The following MLLT1 variants were observed in gnomAD, a reference collection of about 807,000 sequenced individuals.
MLLT1 encodes the protein protein ENL.
A neutral mutation model predicts 55.1 loss-of-function variants in MLLT1; 11 were observed. The observed-to-expected ratio is 0.20, with a 90% CI of 0.13 to 0.33. The LOEUF (loss-of-function observed/expected upper bound fraction) is 0.33, where lower values mean the gene tolerates loss of function less well. Ranked by LOEUF, MLLT1 falls within the 10% of genes least tolerant of loss-of-function variation. The pLI is 1.00. For synonymous variants in MLLT1, 323 were observed against 320.1 expected, an observed-to-expected ratio of 1.01 and a Z score of -0.10; for missense variants, 536 against 760.6, an observed-to-expected ratio of 0.70 and a Z score of 3.47.
intron 3 of MLLT1, among the ~76,000 whole-genome samples, chr19:6,234,981 G>A (rs556929191): frequency 1.1e-4 from 16 of 152,152 alleles, no homozygotes; most frequent in African/African-American, 2.7e-4. Context: ...ATATAACCAA[G>A]TAACATGGTA....
chr19:6,230,722 G>A lies in MLLT1; in HGVS notation c.277-9C>T, dbSNP rs1418504713. 4 of 1,613,758 alleles carry A rather than the reference G, an allele frequency of 2.5e-6. No homozygotes were observed. Among genetic ancestry groups the A allele is most frequent in the Non-Finnish European group, 3.4e-6 (4 of 1,179,972 alleles). On this transcript the variant is annotated splice_polypyrimidine_tract_variant and intron_variant, in intron 3 of 11. Transcript: ENST00000252674. This position sits in a 1 kb window ranked among gnomAD's most constrained non-coding sequence, Gnocchi z 9.0. ...ACCTTCCTCGGCTCCTCCTGAAACA[G>A]AGAAAACAAGAAAGTCTGCATCAGA...
chr19:6,249,857 T>G (rs2091198991), intron 3 of MLLT1, among the ~76,000 whole-genome samples: 1 of 151,934 alleles, frequency 6.6e-6, no homozygotes, highest in African/African-American at 2.4e-5. Context: ...ACCTCATCTC[T>G]ACAAAAATAC....
intron 2 of MLLT1, among the ~76,000 whole-genome samples, chr19:6,264,261 G>A (rs539629467): frequency 2.4e-4 from 30 of 127,372 alleles, no homozygotes; most frequent in Admixed American, 2.1e-3. Context: ...CCCCACCCCA[G>A]GAAGTTTCAG....
chr19:6,245,791 T>A (rs1156251168), intron 3 of MLLT1, among the ~76,000 whole-genome samples: 1 of 152,164 alleles, frequency 6.6e-6, no homozygotes, highest in Non-Finnish European at 1.5e-5. Flanking sequence ...CCCAGCTACT[T>A]GGGAGGCTAA....
chr19:6,242,086 G>C (rs952768998), intron 3 of MLLT1, among the ~76,000 whole-genome samples: 1 of 152,318 alleles, frequency 6.6e-6, no homozygotes, highest in Non-Finnish European at 1.5e-5. Flanking sequence ...GAAGACAATG[G>C]GGGCTCAGAG....
rs939095051 is a variant in MLLT1 at position 6,212,584 on chromosome 19, G to A, written c.*458C>T. The A allele has an allele frequency of 7.3e-6, 8 of 1,090,754 alleles. No individual in the cohort carries two copies. Among genetic ancestry groups the A allele is most frequent in the South Asian group, 8.3e-5 (2 of 24,074 alleles). The allele number at this position is 1,090,754 out of a possible 1,614,324, so 67.6% of individuals were successfully genotyped here. ...ACACGGAGGACGACGCAGACACACA[G>A]GCAGGGCCTTCTGAGGTCCAGGGTG... is the stretch of plus-strand genomic sequence containing the variant. On this transcript the variant is annotated 3_prime_UTR_variant, in exon 12 of 12. Transcript: ENST00000252674.
At chr19:6,269,727 G>A (rs3787053) in intron 2 of MLLT1, among the ~76,000 whole-genome samples, 51,239 of 152,036 alleles carry the variant, frequency 0.34, 10,045 homozygotes, top group East Asian at 0.64. Flanking sequence ...CGGGACCCCC[G>A]TATTGCAGGG....
intron 3 of MLLT1, among the ~76,000 whole-genome samples, chr19:6,249,115 A>G (rs938103762): frequency 3.3e-5 from 5 of 152,214 alleles, no homozygotes; most frequent in South Asian, 4.1e-4. Context: ...ACGTGCAGCA[A>G]GTATAATAAA....
chr19:6,211,378 T>TC lies in MLLT1; in HGVS notation c.*1663dup. ...CTTCCTCCGAAGGTTCTCGGGCCTT[T>TC]CCCCGAGAGTTCTGGGGAGTTTCCC... On this transcript the variant is annotated 3_prime_UTR_variant, in exon 12 of 12. Coordinates refer to ENST00000252674, the MANE Select transcript of MLLT1 (RefSeq NM_005934.4). The surrounding 1 kb of genome is among the most constrained non-coding windows in gnomAD (Gnocchi z 4.6). 1 of 235,574 alleles carries TC rather than the reference T, an allele frequency of 4.2e-6. No individual in the cohort carries two copies. Among genetic ancestry groups the TC allele is most frequent in the East Asian group, 6.1e-5 (1 of 16,364 alleles). 14.6% of individuals were successfully genotyped at this position (235,574 alleles called of 1,614,324 possible).
At chr19:6,215,078 G>A (rs865927862) in intron 8 of MLLT1, among the ~76,000 whole-genome samples, 5 of 152,126 alleles carry the variant, frequency 3.3e-5, no homozygotes, top group South Asian at 2.1e-4. Flanking sequence ...CTGGGATGAC[G>A]GCTGGGCACC....
In MLLT1 at chr19:6,227,068, G is replaced by A; in HGVS notation, c.455C>T (p.Ser152Phe). ...MVMPEGADTV[S>F]RPSPDYPMLP... ...CATGGGGTAGTCGGGACTGGGCCTG[G>A]ACACCGTGTCTGCTCCTTCGGGCAT... The change falls in exon 5 of 12, where the codon TCC becomes TTC. Residue 152 changes from serine (S) to phenylalanine (F), a missense_variant. Physicochemically the swap from Ser to Phe is radical, Grantham distance 155. Coordinates refer to ENST00000252674, the MANE Select transcript of MLLT1 (RefSeq NM_005934.4). This position sits in a 1 kb window ranked among gnomAD's most constrained non-coding sequence, Gnocchi z 5.1. 2 of 1,605,228 alleles carry A rather than the reference G, an allele frequency of 1.2e-6. No homozygotes were observed. Among genetic ancestry groups the A allele is most frequent in the Non-Finnish European group, 1.7e-6 (2 of 1,176,702 alleles).
At chr19:6,253,939 T>C (rs1240154294) in intron 3 of MLLT1, among the ~76,000 whole-genome samples, 1 of 152,194 alleles carries the variant, frequency 6.6e-6, no homozygotes, top group Non-Finnish European at 1.5e-5. Context: ...TGTTTTAATA[T>C]TGGGTCTTAG....
rs1399356974 is a variant in MLLT1, at chr19:6,279,831, C to T, written c.-47G>A. The T allele has an allele frequency of 6.3e-4, 86 of 136,106 alleles. No individual in the cohort carries two copies. In the South Asian group the frequency reaches 0.016, roughly 26 times the overall value. 8.4% of individuals were successfully genotyped at this position (136,106 alleles called of 1,614,324 possible). The stretch of plus-strand genomic sequence containing the variant: ...CCGGGCCCCGCGTCGCTCGCCGCCG[C>T]CGCCGCCGCCGCCGCCGCTCAACGC... On this transcript the variant is annotated 5_prime_UTR_variant, in exon 1 of 12. Transcript: ENST00000252674.
rs1347600267 is a variant in MLLT1, at chr19:6,212,898, G to C, written c.*144C>G. 8.7e-7 allele frequency: 1 copy of C among 1,150,514 alleles called. No individual in the cohort carries two copies. The highest frequency in any genetic ancestry group is 1.2e-6 in the Non-Finnish European group (1 of 836,972). The allele number at this position is 1,150,514 out of a possible 1,614,324, so 71.3% of individuals were successfully genotyped here. On this transcript the variant is annotated 3_prime_UTR_variant, in exon 12 of 12. Transcript: ENST00000252674. ...GGAGAGTGGGCAGGGAGCCGCCGAG[G>C]AAAGTGCAGCGGGCTGTGCGGGCGA...
At chr19:6,257,411 A>C (rs1019639138) in intron 3 of MLLT1, among the ~76,000 whole-genome samples, 12 of 148,738 alleles carry the variant, frequency 8.1e-5, no homozygotes, top group African/African-American at 2.3e-4. Flanking sequence ...AAAAAAAAAA[A>C]CACCTAAAAA....
At chr19:6,236,106 G>A (rs919597522) in intron 3 of MLLT1, among the ~76,000 whole-genome samples, 11 of 152,150 alleles carry the variant, frequency 7.2e-5, no homozygotes, top group African/African-American at 2.7e-4. Flanking sequence ...CACCAAAAAT[G>A]CCACAGGCGC....
Position 6,212,954 on chromosome 19 carries a change from G to A in MLLT1, c.*88C>T, listed in dbSNP as rs1281029815. 1 of 1,519,786 alleles carries A rather than the reference G, an allele frequency of 6.6e-7. No homozygotes were observed. Among genetic ancestry groups the A allele is most frequent in the Non-Finnish European group, 9.0e-7 (1 of 1,116,936 alleles). 94.1% of individuals were successfully genotyped at this position (1,519,786 alleles called of 1,614,324 possible). A position where few individuals can be genotyped will look rare whatever the true frequency, so the allele number is the denominator to read the frequency against. On this transcript the variant is annotated 3_prime_UTR_variant, in exon 12 of 12. Transcript: ENST00000252674. ...GGGCTGTCGCTAAGGCAGTGCTGCG[G>A]GCAGGCGAGACGGGAGAGGAGGGCA...
intron 3 of MLLT1, chr19:6,259,832 G>A (rs1308674284): frequency 2.0e-5 from 2 of 98,766 alleles, no homozygotes; most frequent in East Asian, 4.6e-4. Context: ...AGAAAAACTG[G>A]CCATCCTCCA....
chr19:6,276,742 C>T (rs1346616257), intron 1 of MLLT1, among the ~76,000 whole-genome samples: 1 of 152,122 alleles, frequency 6.6e-6, no homozygotes, highest in Non-Finnish European at 1.5e-5. Flanking sequence ...CGCTCATCCC[C>T]CTGCCAAAAA....
Sources: gnomAD v4.1 joint callset for allele counts (sites outside exome capture counted in the v4.1 genomes callset) on GRCh38, gnomAD v4.1.1 for gene constraint, Gnocchi (gnomAD v3.1) non-coding constraint, MANE v1.5 for transcripts, NCBI Gene and HGNC (gene_info 2026-07-23, HGNC 2026-07-21) for gene names.